The following SMG1 variants were observed in gnomAD, a reference collection of about 807,000 sequenced individuals.
SMG1 encodes the protein serine/threonine-protein kinase SMG1.
Under a neutral mutation model 419.9 loss-of-function variants are expected in SMG1, and 22 were observed. The observed-to-expected ratio is 0.05, with a 90% CI of 0.04 to 0.07. SMG1 has a LOEUF of 0.07. Among genes scored for constraint, SMG1 ranks in the 10% least tolerant of loss-of-function variants. The probability of loss-of-function intolerance (pLI) is 1.00; values close to 1 mark genes in which losing one functional copy is unlikely to be tolerated. For synonymous variants in SMG1, 1,538 were observed against 1,553.5 expected (o/e 0.99, Z 0.23); for missense variants, 3,185 against 4,342.0 (o/e 0.73, Z 7.49).
At chr16:18,924,572 GA>G (rs1047895954) in intron 1 of SMG1, among the ~76,000 whole-genome samples, 27 of 152,060 alleles carry the variant, frequency 1.8e-4, no homozygotes, top group African/African-American at 6.3e-4. Flanking sequence ...GTCAATCATA[GA>G]AAAAAATACT....
chr16:18,816,079 T>G (rs971148222), intron 58 of SMG1: 1 of 552,554 alleles, frequency 1.8e-6, no homozygotes, highest in African/African-American at 1.9e-5. Context: ...AATAAAGGAA[T>G]CTAATTAAGC....
chr16:18,834,850 T>C lies in SMG1; in HGVS notation c.8330+42A>G, dbSNP rs761613541. On this transcript the variant is annotated intron_variant, in intron 49 of 62. Transcript: ENST00000446231. ...AACATTTTAGGTTTGGGATTAAAAA[T>C]AAGACACAGGAAATGGTCCAATATG... The C allele has an allele frequency of 5.7e-6, 9 of 1,584,788 alleles. No individual in the cohort carries two copies. The Admixed American group carries it at 1.4e-4, about 24-fold the overall frequency.
intron 1 of SMG1, among the ~76,000 whole-genome samples, chr16:18,922,244 T>G (rs978871490): frequency 8.5e-5 from 13 of 152,208 alleles, no homozygotes; most frequent in African/African-American, 2.4e-4. Context: ...GTGGAAAAAA[T>G]GACAGACTTT....
At position 18,829,444 on chromosome 16, in the gene SMG1, C is replaced by G; in HGVS notation, c.9445G>C (p.Gly3149Arg). Residue 3149 changes from glycine to arginine, a missense_variant, in exon 54 of 63, where the codon GGG (glycine) becomes CGG (arginine). Physicochemically the swap from Gly to Arg is moderately radical, Grantham distance 125. Transcript: ENST00000446231. ...KKAVEHNIQI[G>R]KFSQLVMNRA... ...TTCATAACCAGCTGAGAGAACTTCC[C>G]TATCTGGATGTTATGTTCCACCGCT... 1 of 1,614,002 alleles carries G rather than the reference C, an allele frequency of 6.2e-7. No homozygotes were observed. Among genetic ancestry groups the G allele is most frequent in the Non-Finnish European group, 8.5e-7 (1 of 1,179,892 alleles).
intron 33 of SMG1, among the ~76,000 whole-genome samples, chr16:18,851,523 T>TA (rs1259437015): frequency 6.6e-6 from 1 of 152,228 alleles, no homozygotes; most frequent in Non-Finnish European, 1.5e-5. Flanking sequence ...TAAAAGTAAT[T>TA]AAAAAATAAA....
At chr16:18,849,426 T>G in intron 35 of SMG1, 48 bp from the exon 36 acceptor site, 1 of 1,531,924 alleles carries the variant, frequency 6.5e-7, no homozygotes, top group Non-Finnish European at 8.9e-7. Context: ...TTTAAAACTA[T>G]GAAGAAACTA....
At chr16:18,917,564 G>A (rs965682810) in intron 1 of SMG1, among the ~76,000 whole-genome samples, 2 of 151,440 alleles carry the variant, frequency 1.3e-5, no homozygotes, top group Non-Finnish European at 2.9e-5. Flanking sequence ...ATGCATGCAC[G>A]CACTCTAACA....
intron 39 of SMG1, 104 bp downstream of exon 39, chr16:18,845,325 T>C: frequency 3.1e-6 from 3 of 979,664 alleles, no homozygotes; most frequent in Non-Finnish European, 1.5e-6. Context: ...TATAGGCTTA[T>C]AAAATCTCTT....
chr16:18,808,658 T>A lies in SMG1; in HGVS notation c.*911A>T, dbSNP rs904560694. 1 of 152,640 alleles carries A rather than the reference T, an allele frequency of 6.6e-6. No individual in the cohort carries two copies. Among genetic ancestry groups the A allele is most frequent in the Non-Finnish European group, 1.5e-5 (1 of 68,042 alleles). 9.5% of individuals were successfully genotyped at this position (152,640 alleles called of 1,614,324 possible). A position where few individuals can be genotyped will look rare whatever the true frequency, so the allele number is the denominator to read the frequency against. ...TACATTAAATCAAATGTCTGTTAGA[T>A]TCATTACTTTTGAATGCACAGTGAC... On this transcript the variant is annotated 3_prime_UTR_variant, in exon 63 of 63. Coordinates refer to ENST00000446231, the MANE Select transcript of SMG1 (RefSeq NM_015092.5).
At chr16:18,893,866 G>A (rs1321143625) in intron 3 of SMG1, among the ~76,000 whole-genome samples, 1 of 151,982 alleles carries the variant, frequency 6.6e-6, no homozygotes, top group Non-Finnish European at 1.5e-5. Context: ...GACCTGCCTG[G>A]CCAACGTGGT....
chr16:18,865,300 G>C (rs116425587), intron 23 of SMG1, among the ~76,000 whole-genome samples: 87 of 152,312 alleles, frequency 5.7e-4, no homozygotes, highest in African/African-American at 1.9e-3. Context: ...TATTTTTGCT[G>C]ACGGTGGTGG....
At chr16:18,915,005 TGGCATCATCTCCACTCACTGCAAC>T (rs1172240000) in intron 1 of SMG1, among the ~76,000 whole-genome samples, 177 of 150,930 alleles carry the variant, frequency 1.2e-3, no homozygotes, top group African/African-American at 2.6e-3. Context: ...TGGAGTGCAA[TGGCATCATCTCCACTCACTGCAAC>T]GGCATCATCT....
intron 46 of SMG1, 132 bp from the exon 47 acceptor site, chr16:18,836,664 T>C (rs2033593726): frequency 1.2e-6 from 1 of 849,130 alleles, no homozygotes; most frequent in African/African-American, 1.7e-5. Flanking sequence ...CCTCCTCAAA[T>C]GTCCCTTACT....
rs759519158 is a variant in SMG1, at chr16:18,882,321, G to A, written c.1137C>T (p.Ala379=). 11 of 1,606,562 alleles carry A rather than the reference G, an allele frequency of 6.8e-6. No individual in the cohort carries two copies. The highest frequency in any genetic ancestry group is 8.5e-6 in the Non-Finnish European group (10 of 1,177,180). The change falls in exon 10 of 63, where the codon GCC becomes GCT. Residue 379 remains alanine (A), a synonymous_variant. Transcript: ENST00000446231. The part of the protein sequence containing the change: ...EAYAEDLSHV[A]SGESVDEDVP... ...CATCTTCATCCACTGATTCCCCAGA[G>A]GCCACATGGCTGAGGTCCTAGATGT...
chr16:18,844,570 T>TCTCACACA (rs148412501), intron 39 of SMG1, among the ~76,000 whole-genome samples: 1 of 88,522 alleles, frequency 1.1e-5, no homozygotes, highest in African/African-American at 5.7e-5. Flanking sequence ...CATCCTTCTC[T>TCTCACACA]CACACACACA....
chr16:18,892,086 C>T (rs2036908175), intron 4 of SMG1, 132 bp downstream of exon 4: 5 of 694,164 alleles, frequency 7.2e-6, no homozygotes, highest in African/African-American at 1.8e-5. Context: ...AAAGAAATTA[C>T]ATATTAGAGA....
Position 18,847,527 on chromosome 16 carries a change from G to GTGT in SMG1, c.5919_5921dup (p.Gln1973dup). 1.9e-6 allele frequency: 3 copies of GTGT among 1,614,016 alleles called. No individual in the cohort carries two copies. The highest frequency in any genetic ancestry group is 4.5e-5 in the East Asian group (2 of 44,888). On this transcript the variant is annotated inframe_insertion, in exon 38 of 63. Coordinates refer to ENST00000446231, the MANE Select transcript of SMG1 (RefSeq NM_015092.5). ...GCTGAATTCGTCTCAGGACATACATGTGTTGTTGCAGCAAAACTCCCAGCC... is the reference window on the plus strand; with the variant it reads ...GCTGAATTCGTCTCAGGACATACATGTGTTGTTGTTGCAGCAAAACTCCCAGCC...
chr16:18,910,989 C>T (rs1048174424), intron 1 of SMG1, among the ~76,000 whole-genome samples: 3 of 152,024 alleles, frequency 2.0e-5, no homozygotes, highest in Non-Finnish European at 4.4e-5. Context: ...TTTAACCTAC[C>T]CTTTCTCTAT....
rs370612432 is a variant in SMG1 at position 18,838,533 on chromosome 16, A to C, written c.7084+18T>G. On this transcript the variant is annotated intron_variant, in intron 43 of 62. Transcript: ENST00000446231. ...AAACATTTGGCCCTCATAAATGTAAAGTCTACTTTTATATTACCTTTTTCA... is the reference window on the plus strand; with the variant it reads ...AAACATTTGGCCCTCATAAATGTAACGTCTACTTTTATATTACCTTTTTCA... 8 of 1,613,812 alleles carry C rather than the reference A, an allele frequency of 5.0e-6. No homozygotes were observed. Among genetic ancestry groups the C allele is most frequent in the Non-Finnish European group, 6.8e-6 (8 of 1,179,822 alleles).
Sources: gnomAD v4.1 joint callset for allele counts (sites outside exome capture counted in the v4.1 genomes callset) on GRCh38, gnomAD v4.1.1 for gene constraint, MANE v1.5 for transcripts, NCBI Gene and HGNC (gene_info 2026-07-23, HGNC 2026-07-21) for gene names.